PGBD5: variants seen among roughly 807,000 people sequenced by gnomAD.
The protein encoded by PGBD5 is piggyBac transposable element derived 5.
Under a neutral mutation model 47.9 loss-of-function variants are expected in PGBD5, and 14 were observed. The observed-to-expected ratio is 0.29, with a 90% CI of 0.19 to 0.46. The LOEUF is 0.46. Among genes scored for constraint, PGBD5 ranks in the 20% least tolerant of loss-of-function variants. PGBD5 has a pLI of 1.00. For synonymous variants in PGBD5, 316 were observed against 306.3 expected, an observed-to-expected ratio of 1.03 and a Z score of -0.33; for missense variants, 635 against 716.0, an observed-to-expected ratio of 0.89 and a Z score of 1.29.
chr1:230,354,325 C>T (rs1233230281), intron 2 of PGBD5, among the ~76,000 whole-genome samples: 2 of 152,074 alleles, frequency 1.3e-5, no homozygotes, highest in African/African-American at 2.4e-5. Context: ...TGTTTGCCCC[C>T]CAGGGTCACT....
intron 5 of PGBD5, among the ~76,000 whole-genome samples, chr1:230,327,270 A>T (rs1459177226): frequency 6.6e-6 from 1 of 152,052 alleles, no homozygotes; most frequent in Non-Finnish European, 1.5e-5. Context: ...GCAATACTTA[A>T]ATGGACAAGG....
At chr1:230,378,845 GT>G (rs1235267237) in intron 1 of PGBD5, among the ~76,000 whole-genome samples, 3 of 152,144 alleles carry the variant, frequency 2.0e-5, no homozygotes, top group Non-Finnish European at 4.4e-5. Context: ...TATGAATAGG[GT>G]TGATATTACT....
chr1:230,372,044 C>G (rs1240673412), intron 1 of PGBD5, among the ~76,000 whole-genome samples: 1 of 152,216 alleles, frequency 6.6e-6, no homozygotes, highest in African/African-American at 2.4e-5. Flanking sequence ...CCCGTATCAT[C>G]TAAGCGTTCC....
chr1:230,386,318 T>TA (rs71846381), intron 1 of PGBD5, among the ~76,000 whole-genome samples: 2,687 of 145,582 alleles, frequency 0.018, 53 homozygotes, highest in African/African-American at 0.054. Context: ...AACCCTATCT[T>TA]AAAAAAAAAA....
At chr1:230,331,667 T>C (rs1667219043) in intron 5 of PGBD5, among the ~76,000 whole-genome samples, 1 of 151,996 alleles carries the variant, frequency 6.6e-6, no homozygotes, top group Admixed American at 6.5e-5. Context: ...CCTTTTTTTT[T>C]TCTCTCTTGG....
chr1:230,380,472 G>A (rs1656427253), intron 1 of PGBD5, among the ~76,000 whole-genome samples: 1 of 152,114 alleles, frequency 6.6e-6, no homozygotes, highest in Admixed American at 6.5e-5. Flanking sequence ...CACTTGTGGT[G>A]GAAACTGACA....
At chr1:230,406,198 C>T (rs1435789775) in intron 1 of PGBD5, among the ~76,000 whole-genome samples, 5 of 151,370 alleles carry the variant, frequency 3.3e-5, no homozygotes, top group African/African-American at 1.2e-4. Context: ...GTCCCAGCTA[C>T]TCGGGAGGCT....
In PGBD5 at chr1:230,332,932, G is replaced by C; in HGVS notation, c.1185C>G (p.Ile395Met). ...TCAAGGACATGTTCCCCTTCATCTT[G>C]ATTTGGTACTGGCCCCGGGCCGGGG... ...ATPPARGQYQ[I>M]KMKGNMSLIC... The change falls in exon 5 of 7, where the codon ATC becomes ATG. Residue 395 changes from isoleucine to methionine, a missense_variant. By Grantham distance (10) the Ile-to-Met change is conservative (BLOSUM62 1). Coordinates refer to ENST00000391860, the MANE Select transcript of PGBD5 (RefSeq NM_001258311.2). 1 of 1,614,218 alleles carries C rather than the reference G, an allele frequency of 6.2e-7. No individual in the cohort carries two copies. The highest frequency in any genetic ancestry group is 2.2e-5 in the East Asian group (1 of 44,878).
chr1:230,379,426 TA>T, intron 1 of PGBD5, among the ~76,000 whole-genome samples: 1 of 152,360 alleles, frequency 6.6e-6, no homozygotes, highest in Non-Finnish European at 1.5e-5. Context: ...AGTAGCCTGC[TA>T]ATCAGACTCT....
chr1:230,337,372 G>C, intron 3 of PGBD5, 84 bp from the exon 4 acceptor site: 1 of 1,300,060 alleles, frequency 7.7e-7, no homozygotes, highest in Non-Finnish European at 1.0e-6. Flanking sequence ...CAGATCTCAT[G>C]GGTCTCAGTC....
intron 5 of PGBD5, among the ~76,000 whole-genome samples, chr1:230,326,155 C>T (rs775341878): frequency 5.3e-5 from 8 of 152,254 alleles, no homozygotes; most frequent in Non-Finnish European, 7.3e-5. Flanking sequence ...CGGTGGCTCA[C>T]GCCTGTAACC....
Position 230,337,994 on chromosome 1 carries a change from G to A in PGBD5, c.895-706C>T, listed in dbSNP as rs116444063. The stretch of plus-strand genomic sequence containing the variant: ...ACAGGTGCAAGAAATGTGACTTAGC[G>A]AAAATATCTTAAACAAACAAAACAC... On this transcript the variant is annotated intron_variant, in intron 3 of 6. Transcript: ENST00000391860. 4.7e-3 allele frequency among the ~76,000 whole-genome samples: 719 copies of A among 152,306 alleles called. 6 individuals are homozygous for A. The highest frequency in any genetic ancestry group is 0.016 in the African/African-American group (673 of 41,572).
chr1:230,407,147 C>T (rs999592703), intron 1 of PGBD5, among the ~76,000 whole-genome samples: 7 of 152,142 alleles, frequency 4.6e-5, no homozygotes, highest in Non-Finnish European at 1.0e-4. Context: ...GAATACGTCA[C>T]TTTCAATCTA....
At chr1:230,358,434 GA>G (rs1667692011) in intron 1 of PGBD5, among the ~76,000 whole-genome samples, 1 of 152,046 alleles carries the variant, frequency 6.6e-6, no homozygotes. Flanking sequence ...TTCCACCTAG[GA>G]AAAAGCAATT....
Position 230,351,097 on chromosome 1 carries a change from C to T in PGBD5, c.760-5G>A. On this transcript the variant is annotated splice_region_variant and splice_polypyrimidine_tract_variant and intron_variant, in intron 2 of 6. Coordinates refer to ENST00000391860, the MANE Select transcript of PGBD5 (RefSeq NM_001258311.2). The stretch of plus-strand genomic sequence containing the variant: ...GATCAGGGGTTCATGTAGCACCTGC[C>T]AGGAGGGAAAAAGCAGAGGCTCTCA... 4 of 1,607,706 alleles carry T rather than the reference C, an allele frequency of 2.5e-6. No homozygotes were observed. Among genetic ancestry groups the T allele is most frequent in the Non-Finnish European group, 3.4e-6 (4 of 1,177,440 alleles).
intron 1 of PGBD5, among the ~76,000 whole-genome samples, chr1:230,367,309 G>A (rs1021145095): frequency 6.6e-5 from 10 of 152,210 alleles, no homozygotes; most frequent in East Asian, 1.9e-4. Context: ...CATGGCACAC[G>A]TCCTCCTGCC....
chr1:230,352,404 G>C (rs1472307768), intron 2 of PGBD5, among the ~76,000 whole-genome samples: 1 of 152,176 alleles, frequency 6.6e-6, no homozygotes, highest in Admixed American at 6.5e-5. Context: ...GGTGATGGCA[G>C]AAAAAGGTCT....
intron 1 of PGBD5, among the ~76,000 whole-genome samples, chr1:230,393,358 C>T (rs994114088): frequency 2.0e-5 from 3 of 151,638 alleles, no homozygotes; most frequent in African/African-American, 7.3e-5. Flanking sequence ...ACACAGGAGA[C>T]CACTGGCGGG....
chr1:230,362,434 G>A (rs1667762748), intron 1 of PGBD5: 18 of 1,290,058 alleles, frequency 1.4e-5, no homozygotes, highest in Non-Finnish European at 1.8e-5. Flanking sequence ...GACCTGGACC[G>A]TGGCAAGCTC....
Sources: allele counts gnomAD v4.1 joint callset (sites outside exome capture counted in the v4.1 genomes callset), GRCh38; gene constraint gnomAD v4.1.1; transcripts MANE v1.5; gene names NCBI Gene and HGNC (gene_info 2026-07-23, HGNC 2026-07-21).